TMPRSS5: variants seen among roughly 807,000 people sequenced by gnomAD.
TMPRSS5 encodes transmembrane protease serine 5.
A neutral mutation model predicts 59.7 loss-of-function variants in TMPRSS5; 45 were observed. That is an observed-to-expected ratio of 0.75 (90% confidence interval 0.59 to 0.97). The LOEUF (loss-of-function observed/expected upper bound fraction) is 0.97. Ranked by LOEUF, TMPRSS5 falls within the 50% of genes least tolerant of loss-of-function variation. The pLI is 0.00. For missense variants in TMPRSS5, 585 were observed against 596.7 expected (o/e 0.98, Z 0.20); for synonymous variants, 225 against 232.0 (o/e 0.97, Z 0.27).
chr11:113,704,634 C>A (rs914194522), intron 1 of TMPRSS5, among the ~76,000 whole-genome samples: 1 of 152,200 alleles, frequency 6.6e-6, no homozygotes, highest in African/African-American at 2.4e-5. Context: ...AACAGAGAGA[C>A]TTTGCATCTG....
Position 113,693,135 on chromosome 11 carries a change from G to A in TMPRSS5, c.900C>T (p.Tyr300=). ...LVERIIPHPL[Y]SAQNHDYDVA... The stretch of plus-strand genomic sequence containing the variant: ...CGTCGTAGTCATGATTCTGGGCACT[G>A]TAGAGGGGGTGTGGGATAATCCTCT... The change falls in exon 9 of 13, where the codon TAC becomes TAT. Residue 300 remains tyrosine, a synonymous_variant. Coordinates refer to ENST00000299882, the MANE Select transcript of TMPRSS5 (RefSeq NM_030770.4). 6.3e-7 allele frequency: 1 copy of A among 1,597,510 alleles called. No individual in the cohort carries two copies. Among genetic ancestry groups the A allele is most frequent in the Non-Finnish European group, 8.5e-7 (1 of 1,172,194 alleles).
chr11:113,688,804 G>A (rs545212396), intron 12 of TMPRSS5, among the ~76,000 whole-genome samples: 133 of 152,034 alleles, frequency 8.7e-4, no homozygotes, highest in African/African-American at 3.1e-3. Context: ...CTCGTGATCC[G>A]CCCACCTCGG....
chr11:113,693,367 C>G (rs969356410), intron 8 of TMPRSS5, 118 bp from the exon 9 acceptor site: 2 of 1,145,896 alleles, frequency 1.7e-6, no homozygotes, highest in African/African-American at 3.1e-5. Flanking sequence ...CGTCAGCAGG[C>G]GGTGAGCTCC....
chr11:113,699,456 C>T, intron 3 of TMPRSS5, 139 bp downstream of exon 3: 2 of 708,924 alleles, frequency 2.8e-6, no homozygotes, highest in Non-Finnish European at 4.8e-6. Flanking sequence ...ATCCCTCCTG[C>T]TGCAATTTCA....
Position 113,699,273 on chromosome 11 carries a change from CT to C in TMPRSS5, c.206-247del, listed in dbSNP as rs756632742. Among the ~76,000 whole-genome samples the C allele has an allele frequency of 2.2e-3, 116 of 52,924 alleles. 12 individuals carry two copies. In the East Asian group the frequency reaches 0.038, roughly 17 times the overall value. The allele number at this position is 52,924 out of a possible 152,430, so 34.7% of individuals were successfully genotyped here. On this transcript the variant is annotated intron_variant, in intron 3 of 12. Coordinates refer to ENST00000299882, the MANE Select transcript of TMPRSS5 (RefSeq NM_030770.4). ...TCTCTCTCTCTCTCTCTCTCTCTCC[CT>C]CTCTCTCTCTCTCTCTCTGTCTCTC... is the stretch of plus-strand genomic sequence containing the variant.
At chr11:113,697,550 T>C in intron 4 of TMPRSS5, 132 bp from the exon 5 acceptor site, 1 of 1,044,452 alleles carries the variant, frequency 9.6e-7, no homozygotes, top group Non-Finnish European at 1.4e-6. Flanking sequence ...AGTGCCAAGT[T>C]CCCTGCTCCC....
intron 6 of TMPRSS5, 157 bp downstream of exon 6, chr11:113,696,701 T>A (rs1952936382): frequency 3.3e-6 from 2 of 610,402 alleles, no homozygotes; most frequent in Admixed American, 2.8e-5. Context: ...TCATGTGAAC[T>A]GAGTTTGTAA....
rs375329875 is a variant in TMPRSS5, at chr11:113,689,836, C to A, written c.1288G>T (p.Ala430Ser). The A allele has an allele frequency of 1.3e-6, 2 of 1,596,710 alleles. No homozygotes were observed. Among genetic ancestry groups the A allele is most frequent in the Non-Finnish European group, 8.5e-7 (1 of 1,171,798 alleles). The change falls in exon 12 of 13, where the codon GCA becomes TCA. Residue 430 changes from alanine to serine, a missense_variant. Transcript: ENST00000299882. ...VGVVSWGRGC[A>S]EPNHPGVYAK... Reference sequence around the variant, plus strand: ...TAGACACCTGGGTGATTGGGCTCTGCGCAGCCACGCCCCCAGCTGACCACC... The same window carrying A: ...TAGACACCTGGGTGATTGGGCTCTGAGCAGCCACGCCCCCAGCTGACCACC...
At chr11:113,693,023 T>G in intron 9 of TMPRSS5, 48 bp downstream of exon 9, 316 of 847,204 alleles carry the variant, frequency 3.7e-4, no homozygotes, top group Non-Finnish European at 5.3e-4. Flanking sequence ...GCCCCCGCCC[T>G]CTCTCGCCAT....
intron 9 of TMPRSS5, among the ~76,000 whole-genome samples, chr11:113,692,217 G>A (rs902526653): frequency 6.6e-6 from 1 of 151,898 alleles, no homozygotes; most frequent in Non-Finnish European, 1.5e-5. Flanking sequence ...GATAGTTCAC[G>A]TATGTGATAC....
At chr11:113,692,732 A>G (rs1429548434) in intron 9 of TMPRSS5, among the ~76,000 whole-genome samples, 1 of 152,206 alleles carries the variant, frequency 6.6e-6, no homozygotes, top group Non-Finnish European at 1.5e-5. Context: ...AAACTGTAAC[A>G]TGGCACCAAA....
Position 113,689,920 on chromosome 11 carries a change from A to T in TMPRSS5, c.1207-3T>A, listed in dbSNP as rs1037940883. 2 of 1,548,128 alleles carry T rather than the reference A, an allele frequency of 1.3e-6. No homozygotes were observed. The highest frequency in any genetic ancestry group is 3.9e-5 in the Admixed American group (2 of 51,060). On this transcript the variant is annotated splice_polypyrimidine_tract_variant and splice_region_variant and intron_variant, in intron 11 of 12. Transcript: ENST00000299882. Reference sequence around the variant, plus strand: ...ACTAGGGGGCCCCCGCTATCTCCCTAAGGGATCCAGGCATGGAGACACAGA... The same window carrying T: ...ACTAGGGGGCCCCCGCTATCTCCCTTAGGGATCCAGGCATGGAGACACAGA...
intron 11 of TMPRSS5, 56 bp downstream of exon 11, chr11:113,690,175 T>TCCCCCCCCCCCCCC: frequency 6.3e-6 from 1 of 159,590 alleles, no homozygotes; most frequent in South Asian, 8.9e-5. Flanking sequence ...GCAGGCCCCC[T>TCCCCCCCCCCCCCC]GCCCTCCCAC....
chr11:113,699,272 C>CTCTCTCCCCCCTCTCTCTCCCT (rs1953044616), intron 3 of TMPRSS5, among the ~76,000 whole-genome samples: 4 of 24,078 alleles, frequency 1.7e-4, no homozygotes, highest in African/African-American at 6.0e-4. Context: ...TCTCTCTCTC[C>CTCTCTCCCCCCTCTCTCTCCCT]CTCTCTCTCT....
intron 8 of TMPRSS5, chr11:113,693,790 A>G (rs1223812454): frequency 6.6e-6 from 1 of 152,486 alleles, no homozygotes; most frequent in Admixed American, 6.5e-5. Flanking sequence ...CTGGGGACAC[A>G]GCAGTGGATA....
chr11:113,699,270 T>TCTC lies in TMPRSS5; in HGVS notation c.206-244_206-243insGAG, dbSNP rs1565263815. Among the ~76,000 whole-genome samples, 146 of 55,804 alleles carry TCTC rather than the reference T, an allele frequency of 2.6e-3. 18 individuals are homozygous for TCTC. Among genetic ancestry groups the TCTC allele is most frequent in the East Asian group, 0.023 (41 of 1,750 alleles). 36.6% of individuals were successfully genotyped at this position (55,804 alleles called of 152,430 possible). A position where few individuals can be genotyped will look rare whatever the true frequency, so the allele number is the denominator to read the frequency against. On this transcript the variant is annotated intron_variant, in intron 3 of 12. Coordinates refer to ENST00000299882, the MANE Select transcript of TMPRSS5 (RefSeq NM_030770.4). The stretch of plus-strand genomic sequence containing the variant: ...CTCTCTCTCTCTCTCTCTCTCTCTC[T>TCTC]CCCTCTCTCTCTCTCTCTCTCTGTC...
Position 113,699,247 on chromosome 11 carries a change from CTCTCTCTCTCT to C in TMPRSS5, c.206-231_206-221del, listed in dbSNP as rs1591386007. Among the ~76,000 whole-genome samples, 9 of 86,958 alleles carry C rather than the reference CTCTCTCTCTCT, an allele frequency of 1.0e-4. 1 individual carries two copies. In the East Asian group the frequency reaches 3.0e-3, roughly 29 times the overall value. The allele number at this position is 86,958 out of a possible 152,430, so 57.0% of individuals were successfully genotyped here. On this transcript the variant is annotated intron_variant, in intron 3 of 12. Transcript: ENST00000299882. Reference sequence around the variant, plus strand: ...TCTCTCTCTCTCTCTCTCTCTCTCTCTCTCTCTCTCTCTCTCTCTCTCTCCCTCTCTCTCTC... The same window carrying C: ...TCTCTCTCTCTCTCTCTCTCTCTCTCCTCTCTCTCTCTCCCTCTCTCTCTC...
intron 1 of TMPRSS5, among the ~76,000 whole-genome samples, chr11:113,704,591 G>A (rs958514409): frequency 2.0e-5 from 3 of 152,036 alleles, no homozygotes; most frequent in African/African-American, 2.4e-5. Context: ...ACTGACATAC[G>A]TGCCATACTT....
Position 113,698,942 on chromosome 11 carries a change from G to A in TMPRSS5, c.291C>T (p.Ser97=), listed in dbSNP as rs761442865. Residue 97 remains serine (S), a synonymous_variant, in exon 4 of 13, where the codon AGC becomes AGT. Transcript: ENST00000299882. ...GTGCAGGGAGCAGAGCTTCCTCAGC[G>A]CTGGCCTCTGAGCAGCTCAAAGTTA... ...EEITLSCSEA[S]AEEALLPALP... The A allele has an allele frequency of 1.1e-5, 18 of 1,596,468 alleles. No homozygotes were observed. Among genetic ancestry groups the A allele is most frequent in the African/African-American group, 5.4e-5 (4 of 74,626 alleles).
Sources: allele counts gnomAD v4.1 joint callset (sites outside exome capture counted in the v4.1 genomes callset), GRCh38; gene constraint gnomAD v4.1.1; transcripts MANE v1.5; gene names NCBI Gene and HGNC (gene_info 2026-07-23, HGNC 2026-07-21).